TENM2: variants seen among roughly 807,000 people sequenced by gnomAD.
The protein encoded by TENM2 is teneurin transmembrane protein 2, also known as teneurin-2.
A neutral mutation model predicts 245.2 loss-of-function variants in TENM2; 52 were observed. That is an observed-to-expected ratio of 0.21 (90% CI 0.17 to 0.27). The LOEUF (loss-of-function observed/expected upper bound fraction) is 0.27, where lower values mean the gene tolerates loss of function less well. TENM2 is among the 10% of genes least tolerant of loss of function. The pLI is 1.00. For missense variants in TENM2, 3,046 were observed against 3,666.8 expected, an observed-to-expected ratio of 0.83 and a Z score of 4.37; for synonymous variants, 1,363 against 1,438.9, an observed-to-expected ratio of 0.95 and a Z score of 1.19.
chr5:167,442,798 A>G (rs1183133755), intron 2 of TENM2, among the ~76,000 whole-genome samples: 3 of 152,140 alleles, frequency 2.0e-5, no homozygotes, highest in Non-Finnish European at 4.4e-5. Context: ...AAAAAATTGC[A>G]TAATATGGTC....
chr5:167,720,475 C>T (rs925428050), intron 2 of TENM2, among the ~76,000 whole-genome samples: 2 of 152,068 alleles, frequency 1.3e-5, no homozygotes, highest in African/African-American at 4.8e-5. Context: ...ATCAATATGC[C>T]GGGATGCTAA....
At chr5:167,188,001 G>A in the TENM2 span, among the ~76,000 whole-genome samples, 11 of 152,090 alleles carry the variant, frequency 7.2e-5, no homozygotes, top group Admixed American at 2.0e-4. Flanking sequence ...TGGAAACCAG[G>A]TGTTAGAGCT....
chr5:167,444,461 C>A (rs1271043488), intron 2 of TENM2, among the ~76,000 whole-genome samples: 2 of 152,100 alleles, frequency 1.3e-5, no homozygotes, highest in East Asian at 3.9e-4. Flanking sequence ...GAAGGCAAAT[C>A]AGAAATTACT....
intron 7 of TENM2, among the ~76,000 whole-genome samples, chr5:168,069,238 G>T (rs1354637485): frequency 6.6e-6 from 1 of 152,152 alleles, no homozygotes; most frequent in Non-Finnish European, 1.5e-5. Context: ...CATCGGCCTG[G>T]ATTCAAAGAA....
chr5:167,974,001 A>AAGGGAGGG lies in TENM2; in HGVS notation c.948-18927_948-18920dup, dbSNP rs745782174. On this transcript the variant is annotated intron_variant, in intron 4 of 28. Transcript: ENST00000518659. ...CCTCTGATGGAAGAAGGAAGGGAGA[A>AAGGGAGGG]AGGGAGGGAGGGAGGGAGGGAGGAA... Among the ~76,000 whole-genome samples, 80 of 95,550 alleles carry AAGGGAGGG rather than the reference A, an allele frequency of 8.4e-4. 7 individuals carry two copies. The highest frequency in any genetic ancestry group is 2.1e-3 in the African/African-American group (38 of 17,810). 62.7% of individuals were successfully genotyped at this position (95,550 alleles called of 152,430 possible).
chr5:167,872,477 A>C (rs1290565588), intron 2 of TENM2, among the ~76,000 whole-genome samples: 1 of 115,936 alleles, frequency 8.6e-6, no homozygotes, highest in African/African-American at 3.2e-5. Flanking sequence ...AAAGAAAGAA[A>C]GAAAGAAAAA....
At chr5:167,702,660 ATTGT>A (rs1323425620) in intron 2 of TENM2, among the ~76,000 whole-genome samples, 2 of 145,528 alleles carry the variant, frequency 1.4e-5, no homozygotes, top group Non-Finnish European at 3.0e-5. Flanking sequence ...GTTTGTTTTT[ATTGT>A]TTGTTTTGTT....
Position 167,431,962 on chromosome 5 carries a change from T to TATATATATAC in TENM2, c.502+56498_502+56499insCATATATATA, listed in dbSNP as rs1554150931. Among the ~76,000 whole-genome samples, 563 of 124,126 alleles carry TATATATATAC rather than the reference T, an allele frequency of 4.5e-3. 11 individuals are homozygous for TATATATATAC. The highest frequency in any genetic ancestry group is 0.021 in the African/African-American group (539 of 25,134). 81.4% of individuals were successfully genotyped at this position (124,126 alleles called of 152,430 possible). A position where few individuals can be genotyped will look rare whatever the true frequency, so the allele number is the denominator to read the frequency against. On this transcript the variant is annotated intron_variant, in intron 2 of 28. Transcript: ENST00000518659. ...ATACATATATATGTATATATATATG[T>TATATATATAC]ATATATATATATATATGGAAGTTCA...
chr5:168,187,653 GC>G (rs1282499651), intron 13 of TENM2: 1 of 152,156 alleles, frequency 6.6e-6, no homozygotes, highest in Non-Finnish European at 1.5e-5. Flanking sequence ...TTTGAAGGCA[GC>G]CCGTGGACAG....
chr5:167,566,676 C>G (rs758243103), intron 2 of TENM2, among the ~76,000 whole-genome samples: 18 of 152,094 alleles, frequency 1.2e-4, no homozygotes, highest in Non-Finnish European at 2.4e-4. Flanking sequence ...TCAAACGTTC[C>G]ATATTGAGAA....
rs553492163 is a variant in TENM2 at position 167,823,857 on chromosome 5, T to G, written c.503-52129T>G. Among the ~76,000 whole-genome samples the G allele has an allele frequency of 8.5e-5, 13 of 152,236 alleles. No homozygotes were observed. In the East Asian group the frequency reaches 2.5e-3, roughly 29 times the overall value. ...GTTGCATTCTGGAAAAAGCCTGCAA[T>G]GGGGGCTGGGGAAGTAGAGAAGCTG... On this transcript the variant is annotated intron_variant, in intron 2 of 28. Coordinates refer to ENST00000518659, the Ensembl canonical transcript of TENM2.
At chr5:168,035,798 A>G (rs933576722) in intron 5 of TENM2, among the ~76,000 whole-genome samples, 4 of 152,198 alleles carry the variant, frequency 2.6e-5, no homozygotes, top group African/African-American at 9.6e-5. Flanking sequence ...GCAAACTTAT[A>G]AATTAAAACC....
Position 168,218,040 on chromosome 5 carries a change from G to T in TENM2, c.4234-85G>T. 1.4e-6 allele frequency: 2 copies of T among 1,432,554 alleles called. No homozygotes were observed. The highest frequency in any genetic ancestry group is 2.3e-5 in the East Asian group (1 of 43,580). 88.7% of individuals were successfully genotyped at this position (1,432,554 alleles called of 1,614,324 possible). The stretch of plus-strand genomic sequence containing the variant: ...TATTAAAAAGCTGTCTTTTTTCCTA[G>T]ATATATAAAACCAGTAAGTGCCGTA... On this transcript the variant is annotated intron_variant, in intron 22 of 28. Coordinates refer to ENST00000518659, the Ensembl canonical transcript of TENM2. The surrounding 1 kb of genome is among the most constrained non-coding windows in gnomAD (Gnocchi z 5.2).
chr5:167,081,824 G>A, the TENM2 span, among the ~76,000 whole-genome samples: 1 of 152,318 alleles, frequency 6.6e-6, no homozygotes, highest in African/African-American at 2.4e-5. Flanking sequence ...AAGATTCAAA[G>A]ACCACTCTTC....
the TENM2 span, among the ~76,000 whole-genome samples, chr5:167,116,905 A>G: frequency 6.6e-6 from 1 of 152,218 alleles, no homozygotes; most frequent in Non-Finnish European, 1.5e-5. Flanking sequence ...AAGAATTTGA[A>G]GTTTGCCACC....
intron 1 of TENM2, among the ~76,000 whole-genome samples, chr5:167,352,547 C>A (rs541997340): frequency 7.2e-5 from 11 of 152,248 alleles, no homozygotes; most frequent in African/African-American, 2.4e-4. Context: ...TAATTGTTCT[C>A]CCCCATTATC....
chr5:167,311,773 C>A (rs1581717624), intron 1 of TENM2, among the ~76,000 whole-genome samples: 2 of 152,080 alleles, frequency 1.3e-5, no homozygotes, highest in South Asian at 4.1e-4. Context: ...CATCTAAAAT[C>A]AAAAATGCTT....
At chr5:167,596,734 T>G (rs1776240276) in intron 2 of TENM2, among the ~76,000 whole-genome samples, 1 of 149,756 alleles carries the variant, frequency 6.7e-6, no homozygotes, top group South Asian at 2.1e-4. Flanking sequence ...AGGCGGAGCT[T>G]GCAGTGAGCC....
intron 1 of TENM2, among the ~76,000 whole-genome samples, chr5:167,333,646 G>A (rs1338576356): frequency 2.0e-5 from 3 of 152,180 alleles, no homozygotes; most frequent in African/African-American, 7.2e-5. Flanking sequence ...GGAAGAGAGA[G>A]GAGAGTTGCC....
Sources: allele counts gnomAD v4.1 joint callset (sites outside exome capture counted in the v4.1 genomes callset), GRCh38; gene constraint gnomAD v4.1.1; non-coding constraint Gnocchi (gnomAD v3.1); transcripts MANE v1.5; gene names NCBI Gene and HGNC (gene_info 2026-07-23, HGNC 2026-07-21).